The following PPP2R5C variants were observed in gnomAD, a reference collection of about 807,000 sequenced individuals.
PPP2R5C encodes protein phosphatase 2 regulatory subunit B'gamma, also known as serine/threonine-protein phosphatase 2A 56 kDa regulatory subunit gamma isoform.
In PPP2R5C, 7 loss-of-function variants were observed where a neutral mutation model predicts 68.9. The observed-to-expected ratio is 0.10, with a 90% CI of 0.06 to 0.19. The LOEUF is 0.19. Among genes scored for constraint, PPP2R5C ranks in the 10% least tolerant of loss-of-function variants. The pLI is 1.00. For synonymous variants in PPP2R5C, 210 were observed against 222.2 expected, an observed-to-expected ratio of 0.95 and a Z score of 0.49; for missense variants, 348 against 641.3, an observed-to-expected ratio of 0.54 and a Z score of 4.94.
intron 3 of PPP2R5C, 87 bp downstream of exon 3, chr14:101,786,270 G>T: frequency 2.4e-6 from 3 of 1,244,930 alleles, no homozygotes; most frequent in South Asian, 1.9e-5. Flanking sequence ...TTATTCCTTT[G>T]CTGTGTTTGT....
intron 3 of PPP2R5C, among the ~76,000 whole-genome samples, chr14:101,787,068 A>G (rs1595163013): frequency 6.6e-6 from 1 of 152,286 alleles, no homozygotes; most frequent in East Asian, 1.9e-4. Flanking sequence ...CCTAGGCAAC[A>G]TAGGGAGACT....
intron 11 of PPP2R5C, 128 bp from the exon 14 acceptor site, chr14:101,912,273 G>A (rs1363141848): frequency 1.3e-5 from 8 of 633,790 alleles, no homozygotes; most frequent in Admixed American, 7.2e-5. Flanking sequence ...CGTAAGTGTG[G>A]GGAAATGGAG....
chr14:101,844,646 G>T (rs868700588), intron 1 of PPP2R5C, among the ~76,000 whole-genome samples: 4 of 152,190 alleles, frequency 2.6e-5, no homozygotes, highest in African/African-American at 7.2e-5. Context: ...AAAGGAAGTA[G>T]AGAACATAAA....
chr14:101,819,102 T>C, intron 1 of PPP2R5C: 1 of 1,514,250 alleles, frequency 6.6e-7, no homozygotes, highest in Non-Finnish European at 9.0e-7. Flanking sequence ...GGTGAGGGTG[T>C]CTGTATATGT....
At chr14:101,880,393 C>T (rs7141494) in intron 2 of PPP2R5C, among the ~76,000 whole-genome samples, 18,665 of 152,186 alleles carry the variant, frequency 0.12, 1,802 homozygotes, top group African/African-American at 0.26. Context: ...ACACAGAGAA[C>T]AAGCTCAGAT....
chr14:101,847,609 G>A (rs954608758), intron 1 of PPP2R5C, among the ~76,000 whole-genome samples: 35 of 151,040 alleles, frequency 2.3e-4, no homozygotes, highest in Non-Finnish European at 4.3e-4. Context: ...TATGGGATGC[G>A]TTTGCGAAAT....
intron 1 of PPP2R5C, among the ~76,000 whole-genome samples, chr14:101,816,746 T>C (rs2039694860): frequency 6.6e-6 from 1 of 151,332 alleles, no homozygotes; most frequent in East Asian, 1.9e-4. Context: ...AAAGCAAATA[T>C]GTCAAAGCAT....
In PPP2R5C at chr14:101,825,183, C is replaced by T. The variant is rs1444665523; in HGVS notation, c.94+15147C>T. Among the ~76,000 whole-genome samples the T allele has an allele frequency of 6.8e-6, 1 of 147,190 alleles. No homozygotes were observed. Among genetic ancestry groups the T allele is most frequent in the African/African-American group, 2.6e-5 (1 of 39,112 alleles). ...AAGAAACTGAAAGTGATACTTTTGG[C>T]AGAGGGATAGGATAAGAGGGTTTTC... On this transcript the variant is annotated intron_variant, in intron 1 of 13. Coordinates refer to ENST00000334743, the Ensembl canonical transcript of PPP2R5C. This position sits in a 1 kb window ranked among gnomAD's most constrained non-coding sequence, Gnocchi z 4.0.
chr14:101,768,059 C>T (rs1244291878), intron 2 of PPP2R5C, among the ~76,000 whole-genome samples: 3 of 152,214 alleles, frequency 2.0e-5, no homozygotes, highest in African/African-American at 7.2e-5. Flanking sequence ...GCCCAGTGGT[C>T]CTCTACTTTG....
chr14:101,922,838 A>G (rs2047087551), intron 13 of PPP2R5C, among the ~76,000 whole-genome samples: 1 of 152,188 alleles, frequency 6.6e-6, no homozygotes, highest in Non-Finnish European at 1.5e-5. Flanking sequence ...AAAAAATTTT[A>G]AAGAAATTTG....
At chr14:101,830,658 A>T (rs2040682715) in intron 1 of PPP2R5C, among the ~76,000 whole-genome samples, 2 of 152,148 alleles carry the variant, frequency 1.3e-5, no homozygotes, top group South Asian at 4.1e-4. Flanking sequence ...ACTTAGTTAC[A>T]ATTAATATAA....
chr14:101,831,853 C>T, intron 1 of PPP2R5C: 2 of 663,924 alleles, frequency 3.0e-6, no homozygotes, highest in Non-Finnish European at 5.6e-6. Flanking sequence ...CCACTGTAGT[C>T]TGTTACTTAC....
upstream of PPP2R5C, chr14:101,809,749 C>G (rs1013042711): frequency 3.3e-6 from 4 of 1,227,524 alleles, no homozygotes; most frequent in South Asian, 1.8e-5. Flanking sequence ...AACGCTCTTT[C>G]CGTTTGCAGT....
chr14:101,827,606 T>G (rs989877826), intron 1 of PPP2R5C, among the ~76,000 whole-genome samples: 2 of 152,214 alleles, frequency 1.3e-5, no homozygotes, highest in African/African-American at 4.8e-5. Flanking sequence ...TTCTGCTGAT[T>G]CTTAAAATAG....
intron 1 of PPP2R5C, among the ~76,000 whole-genome samples, chr14:101,832,777 G>A (rs546466667): frequency 1.1e-3 from 175 of 152,226 alleles, no homozygotes; most frequent in Non-Finnish European, 1.5e-3. Flanking sequence ...CATCCACCCC[G>A]CCACTCCCAG....
intron 8 of PPP2R5C, among the ~76,000 whole-genome samples, chr14:101,896,893 G>A (rs1386973796): frequency 2.4e-4 from 37 of 152,176 alleles, no homozygotes; most frequent in Admixed American, 2.4e-3. Context: ...AATTGCATGA[G>A]AAATTCTTAA....
intron 8 of PPP2R5C, among the ~76,000 whole-genome samples, 167 bp downstream of exon 10, chr14:101,894,727 A>C (rs7145448): frequency 0.1 from 15,336 of 152,266 alleles, 1,176 homozygotes; most frequent in African/African-American, 0.21. Context: ...TTCAAAGTAT[A>C]GTCATTTTAA....
At chr14:101,773,729 C>G (rs1165548121) in intron 2 of PPP2R5C, among the ~76,000 whole-genome samples, 1 of 152,138 alleles carries the variant, frequency 6.6e-6, no homozygotes, top group Non-Finnish European at 1.5e-5. Flanking sequence ...GGGTCTCACT[C>G]TGTTGCCCAG....
intron 1 of PPP2R5C, chr14:101,836,260 G>A (rs2041091302): frequency 1.4e-6 from 1 of 702,816 alleles, no homozygotes; most frequent in African/African-American, 1.7e-5. Context: ...AGCAGGGAGA[G>A]CAAACCCATG....
Sources: gnomAD v4.1 joint callset for allele counts (sites outside exome capture counted in the v4.1 genomes callset) on GRCh38, gnomAD v4.1.1 for gene constraint, Gnocchi (gnomAD v3.1) non-coding constraint, MANE v1.5 for transcripts, NCBI Gene and HGNC (gene_info 2026-07-23, HGNC 2026-07-21) for gene names.